The following KALRN variants were observed in gnomAD, a reference collection of about 807,000 sequenced individuals.
KALRN encodes the protein kalirin.
A neutral mutation model predicts 353.7 loss-of-function variants in KALRN; 70 were observed. The observed-to-expected ratio is 0.20, with a 90% CI of 0.16 to 0.24. KALRN has a LOEUF of 0.24. Among genes scored for constraint, KALRN ranks in the 10% least tolerant of loss-of-function variants. The probability of loss-of-function intolerance (pLI) is 1.00; values close to 1 mark genes in which losing one functional copy is unlikely to be tolerated. For synonymous variants in KALRN, 1,391 were observed against 1,434.8 expected, an observed-to-expected ratio of 0.97 and a Z score of 0.69; for missense variants, 2,791 against 3,756.7, an observed-to-expected ratio of 0.74 and a Z score of 6.72.
At chr3:124,524,509 T>C (rs2067422551) in intron 33 of KALRN, among the ~76,000 whole-genome samples, 2 of 152,152 alleles carry the variant, frequency 1.3e-5, no homozygotes, top group Admixed American at 1.3e-4. Context: ...GTGAATGTGG[T>C]TTTGCTGAGC....
At chr3:124,407,975 G>A (rs1191712887) in intron 13 of KALRN, among the ~76,000 whole-genome samples, 4 of 151,946 alleles carry the variant, frequency 2.6e-5, no homozygotes, top group Non-Finnish European at 2.9e-5. Flanking sequence ...GGGTTTCACC[G>A]TGTTAGCTAG....
chr3:124,279,384 A>G (rs918650521), intron 5 of KALRN, among the ~76,000 whole-genome samples: 31 of 152,358 alleles, frequency 2.0e-4, no homozygotes, highest in African/African-American at 6.0e-4. Context: ...AACAAATGGT[A>G]GATTTGTAGA....
At chr3:124,317,548 C>CT (rs2078922738) in intron 6 of KALRN, among the ~76,000 whole-genome samples, 1 of 152,086 alleles carries the variant, frequency 6.6e-6, no homozygotes, top group African/African-American at 2.4e-5. Flanking sequence ...CAGCTCCTAA[C>CT]TGCAGAGATT....
chr3:124,275,290 C>T (rs2074587495), intron 5 of KALRN, among the ~76,000 whole-genome samples: 1 of 152,168 alleles, frequency 6.6e-6, no homozygotes, highest in African/African-American at 2.4e-5. Context: ...ATTTCTCTTC[C>T]TTCCTCTTCC....
intron 2 of KALRN, among the ~76,000 whole-genome samples, chr3:124,230,872 C>CAAA (rs35463459): frequency 1.1e-4 from 14 of 128,994 alleles, no homozygotes; most frequent in African/African-American, 4.0e-4. Flanking sequence ...AAAAAAAAAA[C>CAAA]AAAAAAAAAA....
At chr3:124,519,901 C>T (rs781391809) in intron 33 of KALRN, 56 of 984,134 alleles carry the variant, frequency 5.7e-5, no homozygotes, top group Non-Finnish European at 6.5e-5. Flanking sequence ...GTGCTGAGGC[C>T]CTTAATTCTC....
chr3:124,187,671 G>T (rs982232280), intron 1 of KALRN, among the ~76,000 whole-genome samples: 1 of 152,156 alleles, frequency 6.6e-6, no homozygotes, highest in Non-Finnish European at 1.5e-5. Context: ...ATGGATTGAT[G>T]GATAGATGAA....
In KALRN at chr3:124,667,175, T is replaced by G. The variant is rs746104897; in HGVS notation, c.6695T>G (p.Phe2232Cys). 6.2e-7 allele frequency: 1 copy of G among 1,613,616 alleles called. No homozygotes were observed. The highest frequency in any genetic ancestry group is 2.2e-5 in the East Asian group (1 of 44,862). ...CAAGTCTTAGAAACACAGCGAGACT[T>G]TTTGAATGGTGGGTGCTGGGCTTGG... ...INQVLETQRD[F>C]LNALQSPIEY... Residue 2232 changes from phenylalanine (F) to cysteine (C), a missense_variant, in exon 47 of 60, where the codon TTT becomes TGT. By Grantham distance (205) the Phe-to-Cys change is radical. Coordinates refer to ENST00000682506, the MANE Select transcript of KALRN (RefSeq NM_001388419.1).
At chr3:124,449,327 A>T (rs754080288) in intron 21 of KALRN, among the ~76,000 whole-genome samples, 10 of 152,198 alleles carry the variant, frequency 6.6e-5, no homozygotes, top group Admixed American at 3.9e-4. Context: ...TCTATGTAAA[A>T]GCTCACAAAT....
At position 124,152,388 on chromosome 3, in the gene KALRN, G is replaced by A. The variant is rs186574325; in HGVS notation, c.74-75602G>A. 4.5e-5 allele frequency: 55 copies of A among 1,214,276 alleles called. No individual in the cohort carries two copies. In the Admixed American group the frequency reaches 5.4e-4, roughly 12 times the overall value. 75.2% of individuals were successfully genotyped at this position (1,214,276 alleles called of 1,614,324 possible). ...GCTGCAACACCTTTCGGACCTTTGG[G>A]CTCACACTATTGATACCTCTGATCC... On this transcript the variant is annotated intron_variant, in intron 1 of 59. Transcript: ENST00000682506.
chr3:124,249,859 T>C (rs1035043731), intron 3 of KALRN, among the ~76,000 whole-genome samples: 4 of 152,194 alleles, frequency 2.6e-5, no homozygotes, highest in Admixed American at 2.6e-4. Context: ...ACCTCCCTTG[T>C]AATTCCCAGG....
intron 13 of KALRN, among the ~76,000 whole-genome samples, chr3:124,408,166 A>G (rs1390806854): frequency 1.5e-5 from 2 of 131,826 alleles, no homozygotes; most frequent in African/African-American, 5.9e-5. Flanking sequence ...CTAAGGCCAC[A>G]AACACAAAAT....
At position 124,053,559 on chromosome 3, in the gene KALRN, T is replaced by G. The variant is rs77334955; in HGVS notation, c.73+19746T>G. 2.6e-4 allele frequency among the ~76,000 whole-genome samples: 40 copies of G among 152,242 alleles called. No homozygotes were observed. In the East Asian group the frequency reaches 7.3e-3, roughly 28 times the overall value. ...TTCACATGCTACTATAGCTTTCTACTGTAAAAGGGTTTAGCACTGCTCCAT... is the reference window on the plus strand; with the variant it reads ...TTCACATGCTACTATAGCTTTCTACGGTAAAAGGGTTTAGCACTGCTCCAT... On this transcript the variant is annotated intron_variant, in intron 1 of 59. Transcript: ENST00000682506.
At chr3:124,270,827 T>TTTTTTTTTTTTTTTTTTTTTTTG (rs2074071754) in intron 5 of KALRN, among the ~76,000 whole-genome samples, 2 of 72,466 alleles carry the variant, frequency 2.8e-5, no homozygotes, top group Admixed American at 1.5e-4. Context: ...TTGTTTTGTT[T>TTTTTTTTTTTTTTTTTTTTTTTG]TTTTTTTTTT....
In KALRN at chr3:124,326,040, C is replaced by A; in HGVS notation, c.1153C>A (p.His385Asn). 1 of 1,613,738 alleles carries A rather than the reference C, an allele frequency of 6.2e-7. No individual in the cohort carries two copies. The highest frequency in any genetic ancestry group is 1.1e-5 in the South Asian group (1 of 90,948). Residue 385 changes from histidine to asparagine, a missense_variant, in exon 7 of 60, where the codon CAT becomes AAT. Coordinates refer to ENST00000682506, the MANE Select transcript of KALRN (RefSeq NM_001388419.1). ...GGCTTCCCGCCTCTCTGAGGCCGGT[C>A]ATTATGCCTCACAACAAATCAAGCA... ...SVASRLSEAG[H>N]YASQQIKQIS... is the part of the protein sequence containing the mutation.
chr3:124,354,925 G>T (rs1396983573), intron 10 of KALRN, among the ~76,000 whole-genome samples: 2 of 152,180 alleles, frequency 1.3e-5, no homozygotes, highest in Non-Finnish European at 2.9e-5. Context: ...ACAGAAATGA[G>T]CCATCATGTT....
At chr3:124,697,549 A>G (rs748360473) in intron 54 of KALRN, 44 bp from the exon 55 acceptor site, 2 of 1,529,132 alleles carry the variant, frequency 1.3e-6, no homozygotes, top group South Asian at 1.3e-5. Flanking sequence ...TAAAATGCCA[A>G]GTTCTGCAGA....
chr3:124,357,699 C>CT (rs1249105216), intron 10 of KALRN, among the ~76,000 whole-genome samples: 1 of 152,154 alleles, frequency 6.6e-6, no homozygotes, highest in East Asian at 1.9e-4. Flanking sequence ...TTCTAGTCAC[C>CT]TAGTTACTCT....
rs146825297 is a variant in KALRN at position 124,440,859 on chromosome 3, G to C, written c.3199-1086G>C. ...GAGAAATACAGAAAGTACTAGGCTT[G>C]AGAGGAACAAGAAATACTGTCAGTC... is the stretch of plus-strand genomic sequence containing the variant. On this transcript the variant is annotated intron_variant, in intron 18 of 59. Coordinates refer to ENST00000682506, the MANE Select transcript of KALRN (RefSeq NM_001388419.1). Among the ~76,000 whole-genome samples the C allele has an allele frequency of 4.9e-3, 746 of 151,938 alleles. 5 individuals are homozygous for C. Among genetic ancestry groups the C allele is most frequent in the African/African-American group, 0.017 (701 of 41,426 alleles).
Sources: allele counts gnomAD v4.1 joint callset (sites outside exome capture counted in the v4.1 genomes callset), GRCh38; gene constraint gnomAD v4.1.1; transcripts MANE v1.5; gene names NCBI Gene and HGNC (gene_info 2026-07-23, HGNC 2026-07-21).